Variants in ARFGEF3 observed in about 807,000 individuals in gnomAD.
The protein encoded by ARFGEF3 is brefeldin A-inhibited guanine nucleotide-exchange protein 3.
ARFGEF3 carries 96 observed loss-of-function variants against 221.7 expected under a neutral mutation model. That is an observed-to-expected ratio of 0.43 (90% CI 0.37 to 0.51). ARFGEF3 has a LOEUF of 0.51. ARFGEF3 is among the 20% of genes least tolerant of loss of function. ARFGEF3 has a pLI of 0.00. For missense variants in ARFGEF3, 2,410 were observed against 2,789.9 expected (o/e 0.86, Z 3.07); for synonymous variants, 1,145 against 1,126.8 (o/e 1.02, Z -0.32).
intron 6 of ARFGEF3, among the ~76,000 whole-genome samples, chr6:138,241,885 C>T (rs1337147412): frequency 6.6e-6 from 1 of 152,126 alleles, no homozygotes; most frequent in African/African-American, 2.4e-5. Flanking sequence ...GTAACCTAAG[C>T]TATTGTTAAG....
intron 7 of ARFGEF3, among the ~76,000 whole-genome samples, chr6:138,245,146 CA>C (rs1181457973): frequency 2.6e-5 from 4 of 152,044 alleles, no homozygotes; most frequent in African/African-American, 7.2e-5. Flanking sequence ...ACTAAAAATA[CA>C]AAAAATTAGC....
chr6:138,197,951 A>G (rs550668081), intron 2 of ARFGEF3, among the ~76,000 whole-genome samples: 1 of 152,326 alleles, frequency 6.6e-6, no homozygotes, highest in South Asian at 2.1e-4. Context: ...ATCTGGAAAT[A>G]CCCACTGCCA....
intron 13 of ARFGEF3, 126 bp from the exon 14 acceptor site, chr6:138,279,873 C>G (rs1319981262): frequency 9.1e-5 from 81 of 894,190 alleles, no homozygotes; most frequent in Middle Eastern, 6.6e-4. Context: ...TTGCCGCCCC[C>G]TTACCCAATA....
chr6:138,249,701 G>A (rs1778545610), intron 8 of ARFGEF3, among the ~76,000 whole-genome samples: 1 of 152,126 alleles, frequency 6.6e-6, no homozygotes, highest in Non-Finnish European at 1.5e-5. Context: ...GATCAAAGAT[G>A]GCTTTAGGCA....
intron 5 of ARFGEF3, among the ~76,000 whole-genome samples, chr6:138,231,447 G>T (rs953317030): frequency 2.0e-5 from 3 of 152,154 alleles, no homozygotes; most frequent in African/African-American, 7.2e-5. Flanking sequence ...TAGTGGTGTT[G>T]CCTCGGATAC....
Position 138,257,714 on chromosome 6 carries a change from C to T in ARFGEF3, c.1104+1945C>T, listed in dbSNP as rs34465777. 2.4e-3 allele frequency among the ~76,000 whole-genome samples: 373 copies of T among 152,302 alleles called. 2 individuals carry two copies. Among genetic ancestry groups the T allele is most frequent in the Non-Finnish European group, 3.3e-3 (225 of 68,028 alleles). On this transcript the variant is annotated intron_variant, in intron 10 of 33. Coordinates refer to ENST00000251691, the MANE Select transcript of ARFGEF3 (RefSeq NM_020340.5). ...CCCCTTTTTCTTGGTGTTGGAACAG[C>T]TGCCCATTTCAGGAGCCTGAGTTTA...
rs1481152596 is a variant in ARFGEF3 at position 138,162,195 on chromosome 6, C to T, written c.85+24C>T. 1.3e-6 allele frequency: 2 copies of T among 1,574,178 alleles called. No homozygotes were observed. The highest frequency in any genetic ancestry group is 1.9e-4 in the Middle Eastern group (1 of 5,292). On this transcript the variant is annotated intron_variant, in intron 1 of 33. Transcript: ENST00000251691. This position sits in a 1 kb window ranked among gnomAD's most constrained non-coding sequence, Gnocchi z 4.7. ...GGGTAAGCGTCCGGCACCTGCTCGC[C>T]GCGGCGGGAGGGCCGCGCGGCCGGG...
intron 4 of ARFGEF3, among the ~76,000 whole-genome samples, chr6:138,225,561 C>A (rs890857763): frequency 2.0e-5 from 3 of 152,188 alleles, no homozygotes; most frequent in African/African-American, 7.2e-5. Context: ...CTCCAATAGA[C>A]GGTGCGAGTT....
intron 14 of ARFGEF3, among the ~76,000 whole-genome samples, chr6:138,284,390 T>C (rs931375675): frequency 1.3e-5 from 2 of 152,176 alleles, no homozygotes; most frequent in African/African-American, 4.8e-5. Context: ...GCTATGTTAG[T>C]TGCATCCAAG....
At chr6:138,202,905 C>G (rs1777563060) in intron 2 of ARFGEF3, among the ~76,000 whole-genome samples, 1 of 148,938 alleles carries the variant, frequency 6.7e-6, no homozygotes, top group Admixed American at 6.7e-5. Flanking sequence ...CACACACACC[C>G]ACACACACAC....
chr6:138,304,664 G>A (rs1468142206), intron 22 of ARFGEF3, among the ~76,000 whole-genome samples: 1 of 152,138 alleles, frequency 6.6e-6, no homozygotes, highest in African/African-American at 2.4e-5. Context: ...AAAATATATT[G>A]CTTTGAGTTT....
rs1463223912 is a variant in ARFGEF3, at chr6:138,300,814, AT to A, written c.3828+2031del. On this transcript the variant is annotated intron_variant, in intron 22 of 33. Transcript: ENST00000251691. ...AGAAAGAAAGGTGAACCTTAAATAGATTAGTCATAAGAGAAAATAAACCCAA... is the reference window on the plus strand; with the variant it reads ...AGAAAGAAAGGTGAACCTTAAATAGATAGTCATAAGAGAAAATAAACCCAA... Among the ~76,000 whole-genome samples the A allele has an allele frequency of 3.9e-5, 6 of 152,358 alleles. No individual in the cohort carries two copies. The East Asian group carries it at 1.2e-3, about 29-fold the overall frequency.
Position 138,162,117 on chromosome 6 carries a change from G to C in ARFGEF3, c.31G>C (p.Glu11Gln). The change falls in exon 1 of 34, where the codon GAG becomes CAG. Residue 11 changes from glutamate to glutamine, a missense_variant. Physicochemically the swap from Glu to Gln is conservative, Grantham distance 29. This residue lies in a region of ARFGEF3 where 570 missense variants were observed against 586.9 expected (regional missense o/e 0.97). Coordinates refer to ENST00000251691, the MANE Select transcript of ARFGEF3 (RefSeq NM_020340.5). The surrounding 1 kb of genome is among the most constrained non-coding windows in gnomAD (Gnocchi z 4.7). MEEILRKLQKEASGSKYKAIK... is the reference protein window; with the variant it reads MEEILRKLQKQASGSKYKAIK... Reference sequence around the variant, plus strand: ...AGAAATCCTGAGGAAGCTGCAGAAGGAGGCGTCCGGGAGCAAGTACAAAGC... The same window carrying C: ...AGAAATCCTGAGGAAGCTGCAGAAGCAGGCGTCCGGGAGCAAGTACAAAGC... The C allele has an allele frequency of 6.2e-7, 1 of 1,604,910 alleles. No homozygotes were observed. Among genetic ancestry groups the C allele is most frequent in the Non-Finnish European group, 8.5e-7 (1 of 1,175,418 alleles).
At position 138,321,098 on chromosome 6, in the gene ARFGEF3, C is replaced by G; in HGVS notation, c.4652-13C>G. Reference sequence around the variant, plus strand: ...AGAGCTGTGTGAAACTGTGATTTTGCTGTTTCCCATAGATATCAGGTACGA... The same window carrying G: ...AGAGCTGTGTGAAACTGTGATTTTGGTGTTTCCCATAGATATCAGGTACGA... On this transcript the variant is annotated splice_polypyrimidine_tract_variant and intron_variant, in intron 28 of 33. Transcript: ENST00000251691. 2 of 1,487,876 alleles carry G rather than the reference C, an allele frequency of 1.3e-6. No homozygotes were observed. The highest frequency in any genetic ancestry group is 1.8e-6 in the Non-Finnish European group (2 of 1,088,228). 92.2% of individuals were successfully genotyped at this position (1,487,876 alleles called of 1,614,324 possible).
intron 2 of ARFGEF3, among the ~76,000 whole-genome samples, chr6:138,191,493 C>A (rs1022899449): frequency 3.9e-5 from 6 of 152,124 alleles, no homozygotes; most frequent in African/African-American, 1.4e-4. Flanking sequence ...TTGTCAGCAT[C>A]ATTAATTCTC....
chr6:138,173,039 G>A (rs1776870092), intron 2 of ARFGEF3, among the ~76,000 whole-genome samples: 1 of 152,000 alleles, frequency 6.6e-6, no homozygotes, highest in South Asian at 2.1e-4. Context: ...AGCCTTTCTA[G>A]CATTAAAATA....
intron 5 of ARFGEF3, among the ~76,000 whole-genome samples, chr6:138,230,714 T>A (rs1778176310): frequency 6.6e-6 from 1 of 152,200 alleles, no homozygotes; most frequent in Non-Finnish European, 1.5e-5. Context: ...TTTATGTGAC[T>A]GTCAAAAGAG....
intron 24 of ARFGEF3, among the ~76,000 whole-genome samples, chr6:138,310,984 A>T (rs1779816608): frequency 6.6e-6 from 1 of 152,176 alleles, no homozygotes. Context: ...CCAATCCAGG[A>T]CTTGTCTCTG....
chr6:138,307,135 T>C (rs1423763491), intron 22 of ARFGEF3, 118 bp from the exon 23 acceptor site: 7 of 1,047,352 alleles, frequency 6.7e-6, no homozygotes, highest in Non-Finnish European at 9.8e-6. Flanking sequence ...TATTCTGGTT[T>C]TTCCTTTTCA....
Sources: gnomAD v4.1 joint callset for allele counts (sites outside exome capture counted in the v4.1 genomes callset) on GRCh38, gnomAD v4.1.1 for gene constraint, gnomAD v4.1.1 regional missense constraint, Gnocchi (gnomAD v3.1) non-coding constraint, MANE v1.5 for transcripts, NCBI Gene and HGNC (gene_info 2026-07-23, HGNC 2026-07-21) for gene names.